SH3PXD2A: variants seen among roughly 807,000 people sequenced by gnomAD.
The protein encoded by SH3PXD2A is SH3 and PX domain-containing protein 2A.
A neutral mutation model predicts 115.2 loss-of-function variants in SH3PXD2A; 32 were observed. The ratio of observed to expected loss-of-function variants is 0.28; its 90% CI spans 0.21 to 0.37. The LOEUF (loss-of-function observed/expected upper bound fraction) is 0.37. SH3PXD2A is among the 10% of genes least tolerant of loss of function. The pLI is 1.00. For synonymous variants in SH3PXD2A, 610 were observed against 629.1 expected (o/e 0.97, Z 0.45); for missense variants, 1,328 against 1,498.7 (o/e 0.89, Z 1.88).
At chr10:103,774,989 A>C (rs2038864323) in intron 2 of SH3PXD2A, among the ~76,000 whole-genome samples, 1 of 152,198 alleles carries the variant, frequency 6.6e-6, no homozygotes, top group South Asian at 2.1e-4. Context: ...TATTCAAGTT[A>C]AGTGACTCTT....
intron 3 of SH3PXD2A, among the ~76,000 whole-genome samples, chr10:103,753,258 T>G (rs2038599621): frequency 7.4e-6 from 1 of 135,446 alleles, no homozygotes; most frequent in African/African-American, 2.8e-5. Flanking sequence ...GGTGGGCAGA[T>G]CACTTGAGGT....
intron 3 of SH3PXD2A, among the ~76,000 whole-genome samples, chr10:103,748,217 G>T (rs2038530609): frequency 6.6e-6 from 1 of 152,214 alleles, no homozygotes. Context: ...TCACTTTACA[G>T]ATGAGTAAAC....
intron 7 of SH3PXD2A, 128 bp from the exon 8 acceptor site, chr10:103,661,242 G>T: frequency 8.9e-7 from 1 of 1,119,510 alleles, no homozygotes; most frequent in Non-Finnish European, 1.2e-6. Context: ...GGGGCAGCCC[G>T]CAGCCGGGGC....
rs2036246525 is a variant in SH3PXD2A at position 103,603,199 on chromosome 10, T to C, written c.2019A>G (p.Ala673=). Residue 673 remains alanine, a synonymous_variant, in exon 15 of 15, where the codon GCA becomes GCG. Transcript: ENST00000369774. ...PKSSSLLKLK[A]EKNAQAEMGK... ...CCATTTCTGCCTGGGCATTCTTCTC[T>C]GCCTTGAGCTTTAGGAGTGATGATG... 4 of 1,614,178 alleles carry C rather than the reference T, an allele frequency of 2.5e-6. No homozygotes were observed. Among genetic ancestry groups the C allele is most frequent in the Non-Finnish European group, 8.5e-7 (1 of 1,180,034 alleles).
intron 8 of SH3PXD2A, among the ~76,000 whole-genome samples, chr10:103,637,853 T>C (rs1449658849): frequency 1.3e-5 from 2 of 152,212 alleles, no homozygotes; most frequent in Non-Finnish European, 2.9e-5. Flanking sequence ...TGAGTGCTGC[T>C]GTCCTGGACC....
At chr10:103,622,321 A>C in intron 10 of SH3PXD2A, 149 bp downstream of exon 10, 1 of 616,344 alleles carries the variant, frequency 1.6e-6, no homozygotes. Context: ...ACCCCACACC[A>C]GCTGCAGTAG....
chr10:103,838,207 A>C (rs1319426578), intron 1 of SH3PXD2A, among the ~76,000 whole-genome samples: 1 of 152,188 alleles, frequency 6.6e-6, no homozygotes, highest in Admixed American at 6.5e-5. Flanking sequence ...CAAGGGCTCT[A>C]AATATATACC....
At chr10:103,734,861 G>A (rs537622334) in intron 4 of SH3PXD2A, among the ~76,000 whole-genome samples, 68 of 152,362 alleles carry the variant, frequency 4.5e-4, no homozygotes, top group African/African-American at 1.6e-3. Flanking sequence ...AGCATCTGCT[G>A]AATGCTTCTT....
intron 5 of SH3PXD2A, among the ~76,000 whole-genome samples, chr10:103,721,129 G>T (rs1294739889): frequency 6.6e-6 from 1 of 152,256 alleles, no homozygotes; most frequent in Non-Finnish European, 1.5e-5. Context: ...CAAAAGTCAG[G>T]TAGGGACGGA....
At chr10:103,632,277 G>T (rs2036792241) in intron 8 of SH3PXD2A, among the ~76,000 whole-genome samples, 1 of 152,220 alleles carries the variant, frequency 6.6e-6, no homozygotes, top group African/African-American at 2.4e-5. Flanking sequence ...GCATGCATTG[G>T]AGGGGAGCCT....
At chr10:103,677,382 C>T (rs1326585275) in intron 6 of SH3PXD2A, among the ~76,000 whole-genome samples, 3 of 152,126 alleles carry the variant, frequency 2.0e-5, no homozygotes, top group African/African-American at 7.2e-5. Context: ...AGGGAGGAGA[C>T]GGCAGGGCTG....
chr10:103,730,005 A>G (rs575426245), intron 4 of SH3PXD2A, among the ~76,000 whole-genome samples: 4 of 152,320 alleles, frequency 2.6e-5, no homozygotes, highest in African/African-American at 9.6e-5. Context: ...GGTGAGCACA[A>G]GTGTGGTCTT....
At chr10:103,800,255 T>A (rs931551905) in intron 2 of SH3PXD2A, among the ~76,000 whole-genome samples, 7 of 152,168 alleles carry the variant, frequency 4.6e-5, no homozygotes, top group Non-Finnish European at 8.8e-5. Flanking sequence ...GGCTCCCTAG[T>A]GGCCATGTCT....
intron 1 of SH3PXD2A, among the ~76,000 whole-genome samples, chr10:103,849,119 C>T (rs900937669): frequency 3.9e-5 from 6 of 151,930 alleles, no homozygotes; most frequent in Non-Finnish European, 5.9e-5. Flanking sequence ...CTCCCAGGTG[C>T]ACCCCTCATC....
intron 2 of SH3PXD2A, among the ~76,000 whole-genome samples, chr10:103,792,143 C>T (rs543082477): frequency 2.0e-5 from 3 of 152,350 alleles, no homozygotes; most frequent in African/African-American, 7.2e-5. Flanking sequence ...CCTGGAACCC[C>T]TATGTGTTCC....
intron 6 of SH3PXD2A, among the ~76,000 whole-genome samples, chr10:103,685,571 C>T (rs1030275063): frequency 3.3e-5 from 5 of 152,104 alleles, no homozygotes; most frequent in East Asian, 1.9e-4. Flanking sequence ...CTGTTTGAGA[C>T]GAACCCCTCC....
chr10:103,845,989 G>C (rs936595087), intron 1 of SH3PXD2A, among the ~76,000 whole-genome samples: 1 of 152,230 alleles, frequency 6.6e-6, no homozygotes, highest in African/African-American at 2.4e-5. Context: ...CCCTGAAGTT[G>C]TGGTCAGATC....
At chr10:103,769,134 C>CTGTGTGTGTGTG (rs67426639) in intron 2 of SH3PXD2A, among the ~76,000 whole-genome samples, 2 of 142,014 alleles carry the variant, frequency 1.4e-5, no homozygotes, top group African/African-American at 2.6e-5. Flanking sequence ...AGGCTAGACT[C>CTGTGTGTGTGTG]TGTGTGTGTG....
At chr10:103,676,619 G>C in intron 6 of SH3PXD2A, among the ~76,000 whole-genome samples, 1 of 152,140 alleles carries the variant, frequency 6.6e-6, no homozygotes. Context: ...TTAAAGATAG[G>C]TGCTGGGTTA....
Sources: allele counts gnomAD v4.1 joint callset (sites outside exome capture counted in the v4.1 genomes callset), GRCh38; gene constraint gnomAD v4.1.1; transcripts MANE v1.5; gene names NCBI Gene and HGNC (gene_info 2026-07-23, HGNC 2026-07-21).